Variants in SORCS2 observed in about 807,000 individuals in gnomAD.
The protein encoded by SORCS2 is sortilin related VPS10 domain containing receptor 2.
A neutral mutation model predicts 141.6 loss-of-function variants in SORCS2; 100 were observed. The ratio of observed to expected loss-of-function variants is 0.71; its 90% CI spans 0.60 to 0.83. SORCS2 has a LOEUF of 0.83. Among genes scored for constraint, SORCS2 ranks in the 40% least tolerant of loss-of-function variants. The probability of loss-of-function intolerance (pLI) is 0.00; values close to 1 mark genes in which losing one functional copy is unlikely to be tolerated. For missense variants in SORCS2, 1,646 were observed against 1,560.2 expected, an observed-to-expected ratio of 1.05 and a Z score of -0.93; for synonymous variants, 789 against 676.9, an observed-to-expected ratio of 1.17 and a Z score of -2.57.
chr4:7,650,435 G>T (rs1721360656), intron 4 of SORCS2, among the ~76,000 whole-genome samples: 2 of 152,172 alleles, frequency 1.3e-5, no homozygotes, highest in East Asian at 3.9e-4. Context: ...CCTCAAAGCG[G>T]GAGGCCAGAT....
At chr4:7,262,615 A>G (rs1395173571) in intron 1 of SORCS2, among the ~76,000 whole-genome samples, 2 of 152,230 alleles carry the variant, frequency 1.3e-5, no homozygotes, top group East Asian at 1.9e-4. Context: ...AATATATACA[A>G]GATGATCGGC....
chr4:7,727,336 A>G (rs1270824969), intron 21 of SORCS2, among the ~76,000 whole-genome samples: 2 of 152,078 alleles, frequency 1.3e-5, no homozygotes, highest in African/African-American at 4.8e-5. Context: ...CCTTTTCTGA[A>G]TCTGCATCCT....
intron 2 of SORCS2, among the ~76,000 whole-genome samples, chr4:7,447,688 C>T (rs970322835): frequency 6.6e-6 from 1 of 152,148 alleles, no homozygotes; most frequent in African/African-American, 2.4e-5. Flanking sequence ...GCTCAGCAGC[C>T]ATGGGGACAG....
At chr4:7,514,721 G>C (rs1732870877) in intron 2 of SORCS2, among the ~76,000 whole-genome samples, 2 of 152,142 alleles carry the variant, frequency 1.3e-5, no homozygotes, top group Admixed American at 1.3e-4. Context: ...TGAGGTACCT[G>C]CCAACCAGGG....
Position 7,570,761 on chromosome 4 carries a change from T to G in SORCS2, c.648+39132T>G, listed in dbSNP as rs377163248. Among the ~76,000 whole-genome samples the G allele has an allele frequency of 4.1e-3, 619 of 152,276 alleles. 3 individuals carry two copies. The highest frequency in any genetic ancestry group is 0.014 in the African/African-American group (566 of 41,564). On this transcript the variant is annotated intron_variant, in intron 3 of 26. Transcript: ENST00000507866. The stretch of plus-strand genomic sequence containing the variant: ...CCTTTTCATCTCCAGGAACCCCCAG[T>G]TCTCATCCAGAGGGGAGGGTTTTAA...
chr4:7,675,511 A>G (rs1560474222), intron 8 of SORCS2, among the ~76,000 whole-genome samples: 1 of 152,218 alleles, frequency 6.6e-6, no homozygotes, highest in Non-Finnish European at 1.5e-5. Flanking sequence ...CGCAGAGGAC[A>G]GGGCCACACC....
intron 3 of SORCS2, among the ~76,000 whole-genome samples, chr4:7,599,209 A>G (rs7667970): frequency 0.36 from 54,652 of 151,666 alleles, 10,459 homozygotes; most frequent in African/African-American, 0.44. Context: ...TTCCTGAGTG[A>G]AGTCAGCCTG....
chr4:7,291,637 G>A (rs940195623), intron 1 of SORCS2, among the ~76,000 whole-genome samples: 1 of 152,224 alleles, frequency 6.6e-6, no homozygotes, highest in Non-Finnish European at 1.5e-5. Context: ...AGGGCTGCCT[G>A]CCAGGAGAGC....
At chr4:7,195,851 G>T (rs1727137659) in intron 1 of SORCS2, among the ~76,000 whole-genome samples, 1 of 152,210 alleles carries the variant, frequency 6.6e-6, no homozygotes, top group Non-Finnish European at 1.5e-5. Flanking sequence ...GGTTTGCTGA[G>T]CAGTCTTCTT....
intron 3 of SORCS2, among the ~76,000 whole-genome samples, chr4:7,626,884 G>C (rs961012219): frequency 6.6e-6 from 1 of 152,124 alleles, no homozygotes; most frequent in Non-Finnish European, 1.5e-5. Context: ...TGAAAAATTC[G>C]AGTCCCAGTA....
At position 7,741,476 on chromosome 4, in the gene SORCS2, ATGGGAAG is replaced by A. The variant is rs1436910746; in HGVS notation, c.*1214_*1220del. On this transcript the variant is annotated 3_prime_UTR_variant, in exon 27 of 27. Coordinates refer to ENST00000507866, the MANE Select transcript of SORCS2 (RefSeq NM_020777.3). ...TGGGGGGGTCACCTTTTGCCTTGAA[ATGGGAAG>A]TCAGTAGCCCCTTCCTCCTCCTCCC... 2.9e-6 allele frequency: 1 copy of A among 348,760 alleles called. No individual in the cohort carries two copies. Among genetic ancestry groups the A allele is most frequent in the Non-Finnish European group, 5.1e-6 (1 of 196,066 alleles). The allele number at this position is 348,760 out of a possible 1,614,324, so 21.6% of individuals were successfully genotyped here.
At chr4:7,373,351 T>C (rs1051618390) in intron 1 of SORCS2, among the ~76,000 whole-genome samples, 1 of 151,030 alleles carries the variant, frequency 6.6e-6, no homozygotes, top group African/African-American at 2.4e-5. Context: ...TCTTTTCATA[T>C]GCTTATTTGC....
intron 1 of SORCS2, among the ~76,000 whole-genome samples, chr4:7,358,042 G>T (rs563179548): frequency 6.6e-6 from 1 of 152,206 alleles, no homozygotes; most frequent in African/African-American, 2.4e-5. Flanking sequence ...AGAGGAGTGC[G>T]CTGGCTCAAG....
intron 1 of SORCS2, among the ~76,000 whole-genome samples, chr4:7,344,320 C>G (rs530582429): frequency 1.3e-5 from 2 of 152,302 alleles, no homozygotes; most frequent in East Asian, 3.9e-4. Context: ...GGTCACAGGT[C>G]CCCAGGAGCC....
chr4:7,432,495 G>T (rs569326387), intron 2 of SORCS2: 1 of 152,148 alleles, frequency 6.6e-6, no homozygotes, highest in Admixed American at 6.5e-5. Context: ...TGTGTTCACC[G>T]TCTTTGCCCT....
In SORCS2 at chr4:7,638,451, AAGG is replaced by A. The variant is rs767439499; in HGVS notation, c.780_782del (p.Glu260del). On this transcript the variant is annotated inframe_deletion, in exon 4 of 27. Transcript: ENST00000507866. The stretch of plus-strand genomic sequence containing the variant: ...CGTGGAAACTCTGATTTTCCACCCT[AAGG>A]AGGAGGACAAGGTCCTCGCCTACAC... 3.7e-6 allele frequency: 6 copies of A among 1,610,720 alleles called. No homozygotes were observed. The highest frequency in any genetic ancestry group is 5.1e-6 in the Non-Finnish European group (6 of 1,178,682).
At chr4:7,383,535 G>C (rs1723117492) in intron 1 of SORCS2, among the ~76,000 whole-genome samples, 1 of 152,230 alleles carries the variant, frequency 6.6e-6, no homozygotes, top group Non-Finnish European at 1.5e-5. Flanking sequence ...ATTGGAGCCT[G>C]GGGAGGGATT....
intron 2 of SORCS2, among the ~76,000 whole-genome samples, chr4:7,410,058 G>A (rs368737713): frequency 7.2e-5 from 11 of 152,240 alleles, no homozygotes; most frequent in African/African-American, 2.4e-4. Flanking sequence ...TCTCTGCAGA[G>A]GCCAATGATG....
chr4:7,387,704 A>C (rs1310483439), intron 1 of SORCS2, among the ~76,000 whole-genome samples: 1 of 150,470 alleles, frequency 6.6e-6, no homozygotes, highest in Admixed American at 6.6e-5. Context: ...ACACACGCAC[A>C]TGCACACACA....
Sources: allele counts gnomAD v4.1 joint callset (sites outside exome capture counted in the v4.1 genomes callset), GRCh38; gene constraint gnomAD v4.1.1; transcripts MANE v1.5; gene names NCBI Gene and HGNC (gene_info 2026-07-23, HGNC 2026-07-21).